The following NECTIN3 variants were observed in gnomAD, a reference collection of about 807,000 sequenced individuals.
NECTIN3 encodes the protein nectin-3.
Under a neutral mutation model 49.4 loss-of-function variants are expected in NECTIN3, and 8 were observed. The ratio of observed to expected loss-of-function variants is 0.16; its 90% confidence interval spans 0.10 to 0.29. The LOEUF is 0.29. Ranked by LOEUF, NECTIN3 falls within the 10% of genes least tolerant of loss-of-function variation. NECTIN3 has a pLI of 1.00. For synonymous variants in NECTIN3, 277 were observed against 241.1 expected (o/e 1.15, Z -1.38); for missense variants, 581 against 654.6 (o/e 0.89, Z 1.23).
intron 5 of NECTIN3, among the ~76,000 whole-genome samples, chr3:111,131,820 A>G (rs1411136056): frequency 6.6e-6 from 1 of 151,880 alleles, no homozygotes; most frequent in Non-Finnish European, 1.5e-5. Flanking sequence ...AAAAACTAGC[A>G]TATAAAGAAC....
In NECTIN3 at chr3:111,123,668, CCTT is replaced by C. The variant is rs1190218673; in HGVS notation, c.917+1433_917+1435del. On this transcript the variant is annotated intron_variant, in intron 4 of 5. Coordinates refer to ENST00000485303, the MANE Select transcript of NECTIN3 (RefSeq NM_015480.3). ...GTATCTTTTAACTTGCTCTTGGCCT[CCTT>C]CTAGTTTTCTGAGGTACAGTGAGTT... is the stretch of plus-strand genomic sequence containing the variant. 3.9e-5 allele frequency among the ~76,000 whole-genome samples: 6 copies of C among 152,180 alleles called. No individual in the cohort carries two copies. In the South Asian group the frequency reaches 1.2e-3, roughly 32 times the overall value.
chr3:111,119,038 C>T, intron 3 of NECTIN3, 86 bp downstream of exon 3: 1 of 1,181,090 alleles, frequency 8.5e-7, no homozygotes, highest in Non-Finnish European at 1.2e-6. Flanking sequence ...ATAGCTTTTC[C>T]TTGTTTTTGT....
intron 5 of NECTIN3, among the ~76,000 whole-genome samples, chr3:111,143,469 G>T (rs2034798789): frequency 6.6e-6 from 1 of 151,792 alleles, no homozygotes; most frequent in African/African-American, 2.4e-5. Flanking sequence ...TTTATAATTT[G>T]AAAGAAAGTA....
intron 7 of NECTIN3, among the ~76,000 whole-genome samples, chr3:111,156,503 C>T (rs1330176740): frequency 1.3e-5 from 2 of 150,402 alleles, no homozygotes; most frequent in Non-Finnish European, 2.9e-5. Context: ...TTTAAAATGC[C>T]AAAAATTAAG....
intron 1 of NECTIN3, among the ~76,000 whole-genome samples, chr3:111,193,714 C>T (rs1431694279): frequency 1.3e-5 from 2 of 152,072 alleles, no homozygotes; most frequent in African/African-American, 2.4e-5. Context: ...AAAGAAAGGC[C>T]CCAGCTGATA....
intron 1 of NECTIN3, chr3:111,072,561 C>G (rs1279124263): frequency 2.0e-6 from 3 of 1,535,668 alleles, no homozygotes; most frequent in Non-Finnish European, 2.6e-6. Flanking sequence ...CCCGGTGAAA[C>G]TTGAGCTGTG....
upstream of NECTIN3, among the ~76,000 whole-genome samples, chr3:111,191,369 G>A (rs1236505528): frequency 6.6e-6 from 1 of 152,128 alleles, no homozygotes; most frequent in African/African-American, 2.4e-5. Flanking sequence ...CTCTCAGTCT[G>A]GATAAGGAGA....
chr3:111,104,568 C>G (rs1198480288), intron 1 of NECTIN3, among the ~76,000 whole-genome samples: 1 of 152,004 alleles, frequency 6.6e-6, no homozygotes, highest in Admixed American at 6.6e-5. Context: ...GGTCCTCCTG[C>G]TATAGCTTCC....
At chr3:111,164,705 C>A (rs1046524045) in intron 7 of NECTIN3, among the ~76,000 whole-genome samples, 22 of 152,184 alleles carry the variant, frequency 1.4e-4, no homozygotes, top group African/African-American at 4.1e-4. Flanking sequence ...CTCTCTATAA[C>A]TACATTTTCT....
At chr3:111,120,618 T>C (rs2033905191) in intron 3 of NECTIN3, among the ~76,000 whole-genome samples, 1 of 152,144 alleles carries the variant, frequency 6.6e-6, no homozygotes, top group African/African-American at 2.4e-5. Context: ...TACCACTATT[T>C]TGTAAATTTT....
intron 7 of NECTIN3, among the ~76,000 whole-genome samples, chr3:111,174,382 C>T (rs538186109): frequency 2.0e-5 from 3 of 152,104 alleles, no homozygotes; most frequent in African/African-American, 7.2e-5. Flanking sequence ...TTAATATGAA[C>T]GTTCAATTTT....
At chr3:111,131,925 T>C (rs1307980287) in intron 5 of NECTIN3, among the ~76,000 whole-genome samples, 1 of 151,924 alleles carries the variant, frequency 6.6e-6, no homozygotes, top group African/African-American at 2.4e-5. Context: ...GATGCCAGTT[T>C]ATTATATTTT....
Position 111,158,535 on chromosome 3 carries a change from A to G in NECTIN3, c.1221+11051A>G, listed in dbSNP as rs909023386. 3.9e-5 allele frequency among the ~76,000 whole-genome samples: 6 copies of G among 152,260 alleles called. No individual in the cohort carries two copies. The East Asian group carries it at 9.6e-4, about 24-fold the overall frequency. On this transcript the variant is annotated intron_variant, in intron 7 of 8. Transcript: ENST00000493615. ...AATACCTTTTTAGAAAAATGATGTA[A>G]AATAGTAGCTTTACTTTTAAGTAGA...
intron 1 of NECTIN3, among the ~76,000 whole-genome samples, chr3:111,103,388 T>G (rs533341205): frequency 7.0e-4 from 107 of 152,174 alleles, no homozygotes; most frequent in African/African-American, 2.5e-3. Context: ...GTGGGTGCTA[T>G]GTAAATTTGT....
chr3:111,095,504 A>G (rs1434216670), intron 1 of NECTIN3, among the ~76,000 whole-genome samples: 1 of 152,192 alleles, frequency 6.6e-6, no homozygotes, highest in African/African-American at 2.4e-5. Context: ...TAGTGCAGAA[A>G]AAGACTCCAG....
chr3:111,180,485 A>G (rs1377002121), intron 7 of NECTIN3, among the ~76,000 whole-genome samples: 1 of 152,218 alleles, frequency 6.6e-6, no homozygotes, highest in East Asian at 1.9e-4. Flanking sequence ...TACAATCTTT[A>G]TAGTTGCTGA....
chr3:111,150,185 A>T (rs985199831), intron 7 of NECTIN3, among the ~76,000 whole-genome samples: 7 of 152,050 alleles, frequency 4.6e-5, no homozygotes, highest in Admixed American at 2.0e-4. Context: ...ACTGAGAATG[A>T]TAATAGTAAT....
In NECTIN3 at chr3:111,153,379, T is replaced by C. The variant is rs149276333; in HGVS notation, c.1221+5895T>C. ...TTAAAAATCTAAATATCTAAAAATA[T>C]TTGTCAAGAATCATAAAATTAAAGG... is the stretch of plus-strand genomic sequence containing the variant. On this transcript the variant is annotated intron_variant, in intron 7 of 8. Coordinates refer to the NECTIN3 transcript ENST00000493615. Among the ~76,000 whole-genome samples the C allele has an allele frequency of 1.7e-3, 264 of 152,040 alleles. 2 individuals carry two copies. Among genetic ancestry groups the C allele is most frequent in the South Asian group, 6.8e-3 (33 of 4,818 alleles).
At chr3:111,095,698 T>A (rs1212416965) in intron 1 of NECTIN3, among the ~76,000 whole-genome samples, 1 of 152,198 alleles carries the variant, frequency 6.6e-6, no homozygotes, top group Non-Finnish European at 1.5e-5. Context: ...TCCTGTGATC[T>A]CCTTGTGATA....
Sources: gnomAD v4.1 joint callset for allele counts (sites outside exome capture counted in the v4.1 genomes callset) on GRCh38, gnomAD v4.1.1 for gene constraint, MANE v1.5 for transcripts, NCBI Gene and HGNC (gene_info 2026-07-23, HGNC 2026-07-21) for gene names.